The following TSTD2 variants were observed in gnomAD, a reference collection of about 807,000 sequenced individuals.
TSTD2 encodes the protein thiosulfate sulfurtransferase like domain containing 2, also known as thiosulfate sulfurtransferase/rhodanese-like domain-containing protein 2.
A neutral mutation model predicts 47.9 loss-of-function variants in TSTD2; 37 were observed. That is an observed-to-expected ratio of 0.77 (90% CI 0.59 to 1.02). TSTD2 has a LOEUF of 1.02. Ranked by LOEUF, TSTD2 falls within the 50% of genes least tolerant of loss-of-function variation. The pLI, the probability that TSTD2 is intolerant of heterozygous loss-of-function variation, is 0.00. For missense variants in TSTD2, 586 were observed against 616.0 expected (o/e 0.95, Z 0.52); for synonymous variants, 201 against 215.9 (o/e 0.93, Z 0.61).
In TSTD2 at chr9:97,610,414, C is replaced by G; in HGVS notation, c.767G>C (p.Arg256Pro). The change falls in exon 6 of 10, where the codon CGT becomes CCT. Residue 256 changes from arginine (R) to proline (P), a missense_variant. By Grantham distance (103) the Arg-to-Pro change is moderately radical. Transcript: ENST00000341170. ...CACGATTTCTTCAAATACACCAACA[C>G]GCAATTCTGGAAAACAGTGAGCTCC... ...KGGAHCFPEL[R>P]VGVFEEIVPM... The G allele has an allele frequency of 1.3e-6, 2 of 1,590,174 alleles. No homozygotes were observed. Among genetic ancestry groups the G allele is most frequent in the Non-Finnish European group, 1.7e-6 (2 of 1,170,062 alleles).
rs768876335 is a variant in TSTD2 at position 97,605,657 on chromosome 9, A to G, written c.955-16T>C. 6.2e-7 allele frequency: 1 copy of G among 1,614,030 alleles called. No homozygotes were observed. Among genetic ancestry groups the G allele is most frequent in the Admixed American group, 1.7e-5 (1 of 59,988 alleles). ...GGAATCGTCCCTGTAACATAGGAGCAACAAAAGGAAAATTATCAGAAAAAC... is the reference window on the plus strand; with the variant it reads ...GGAATCGTCCCTGTAACATAGGAGCGACAAAAGGAAAATTATCAGAAAAAC... On this transcript the variant is annotated splice_polypyrimidine_tract_variant and intron_variant, in intron 7 of 9. Transcript: ENST00000341170.
intron 1 of TSTD2, among the ~76,000 whole-genome samples, chr9:97,630,429 T>C (rs943935872): frequency 6.6e-6 from 1 of 152,230 alleles, no homozygotes; most frequent in Non-Finnish European, 1.5e-5. Flanking sequence ...ACAGTTGAAG[T>C]ACCTGCTCTC....
intron 1 of TSTD2, among the ~76,000 whole-genome samples, chr9:97,631,774 G>A (rs1826819867): frequency 6.6e-6 from 1 of 152,080 alleles, no homozygotes; most frequent in African/African-American, 2.4e-5. Context: ...AACCTAAAAG[G>A]CAGAGGTTAC....
Position 97,602,332 on chromosome 9 carries a change from T to A in TSTD2, c.*137A>T. The stretch of plus-strand genomic sequence containing the variant: ...ACTCCTCCCCTCCCGCTGTGAAGTG[T>A]AGACGGCTGCCACGGTGGCAGCGGC... On this transcript the variant is annotated 3_prime_UTR_variant, in exon 10 of 10. Transcript: ENST00000341170. 9.7e-7 allele frequency: 1 copy of A among 1,035,340 alleles called. No homozygotes were observed. The highest frequency in any genetic ancestry group is 1.4e-6 in the Non-Finnish European group (1 of 732,356). 64.1% of individuals were successfully genotyped at this position (1,035,340 alleles called of 1,614,324 possible). A position where few individuals can be genotyped will look rare whatever the true frequency, so the allele number is the denominator to read the frequency against.
At chr9:97,606,317 A>G (rs987095178) in intron 6 of TSTD2, 56 bp from the exon 7 acceptor site, 12 of 1,031,352 alleles carry the variant, frequency 1.2e-5, no homozygotes, top group Non-Finnish European at 1.7e-5. Flanking sequence ...CCAAAACCCA[A>G]TCATGACTCA....
intron 6 of TSTD2, 159 bp downstream of exon 6, chr9:97,610,187 G>A: frequency 1.9e-6 from 1 of 521,640 alleles, no homozygotes; most frequent in East Asian, 3.4e-5. Flanking sequence ...GCACCACAGA[G>A]AAACAGTATA....
rs369648166 is a variant in TSTD2, at chr9:97,623,923, T to C, written c.482+1758A>G. ...TGGGTATATGCTGCTGCACAGGCTA[T>C]GGTCTTTGGCTATATATAGTATGCA... On this transcript the variant is annotated intron_variant, in intron 3 of 9. Transcript: ENST00000341170. Among the ~76,000 whole-genome samples, 301 of 152,208 alleles carry C rather than the reference T, an allele frequency of 2.0e-3. 3 individuals carry two copies. The highest frequency in any genetic ancestry group is 6.3e-3 in the African/African-American group (261 of 41,540).
At chr9:97,610,995 G>A (rs1826448070) in intron 5 of TSTD2, 2 of 152,522 alleles carry the variant, frequency 1.3e-5, no homozygotes, top group South Asian at 2.1e-4. Context: ...CAGATTGCAT[G>A]AGCTGTAACA....
At chr9:97,626,082 T>C in intron 2 of TSTD2, 85 bp from the exon 3 acceptor site, 1 of 1,327,216 alleles carries the variant, frequency 7.5e-7, no homozygotes, top group South Asian at 1.5e-5. Context: ...CTTTAGATTA[T>C]CTTTCCACAG....
intron 9 of TSTD2, chr9:97,603,166 A>C (rs1313025988): frequency 5.3e-6 from 1 of 189,598 alleles, no homozygotes. Context: ...AACACACCTA[A>C]ATACAGGCGA....
At chr9:97,626,680 T>C (rs1826727368) in intron 2 of TSTD2, among the ~76,000 whole-genome samples, 1 of 152,214 alleles carries the variant, frequency 6.6e-6, no homozygotes, top group Non-Finnish European at 1.5e-5. Context: ...GAGCATTCCA[T>C]GCATCTATCT....
At position 97,602,639 on chromosome 9, in the gene TSTD2, C is replaced by G; in HGVS notation, c.1381G>C (p.Asp461His). ...GFTACCVTCQ[D>H]KGSRKVSGPM... Reference sequence around the variant, plus strand: ...CCTGAAACTTTCCTGCTCCCCTTGTCTTGACATGTGACACAACAGGCTGTG... The same window carrying G: ...CCTGAAACTTTCCTGCTCCCCTTGTGTTGACATGTGACACAACAGGCTGTG... The change falls in exon 10 of 10, where the codon GAC (aspartate) becomes CAC (histidine). Residue 461 changes from aspartate to histidine, a missense_variant. Transcript: ENST00000341170. 1 of 1,614,202 alleles carries G rather than the reference C, an allele frequency of 6.2e-7. No individual in the cohort carries two copies. Among genetic ancestry groups the G allele is most frequent in the Non-Finnish European group, 8.5e-7 (1 of 1,180,038 alleles).
At chr9:97,630,977 C>T (rs1826798782) in intron 1 of TSTD2, among the ~76,000 whole-genome samples, 1 of 152,202 alleles carries the variant, frequency 6.6e-6, no homozygotes, top group Admixed American at 6.5e-5. Context: ...GCTTCAAATA[C>T]AACTGTTCAA....
chr9:97,611,721 A>G (rs374189650), intron 4 of TSTD2, 22 bp from the exon 5 acceptor site: 166 of 1,592,134 alleles, frequency 1.0e-4, no homozygotes, highest in Non-Finnish European at 1.3e-4. Context: ...GACGGTGAAA[A>G]AGAGAACAGA....
At chr9:97,622,249 A>G (rs552375545) in intron 3 of TSTD2, among the ~76,000 whole-genome samples, 263 of 152,328 alleles carry the variant, frequency 1.7e-3, no homozygotes, top group Non-Finnish European at 1.4e-3. Context: ...AAAGGGGCCA[A>G]TGTAGAATTC....
chr9:97,619,515 T>G (rs538523549), intron 3 of TSTD2, among the ~76,000 whole-genome samples: 5 of 152,172 alleles, frequency 3.3e-5, no homozygotes, highest in African/African-American at 1.2e-4. Context: ...TTTTTTTCTT[T>G]TTTTTTTGTA....
At chr9:97,610,766 C>T (rs1587977699) in intron 5 of TSTD2, 1 of 181,062 alleles carries the variant, frequency 5.5e-6, no homozygotes, top group East Asian at 1.4e-4. Context: ...TCATTGCCAG[C>T]ATGAACGCTA....
chr9:97,607,483 G>A (rs1207629940), intron 6 of TSTD2, among the ~76,000 whole-genome samples: 1 of 152,322 alleles, frequency 6.6e-6, no homozygotes, highest in East Asian at 1.9e-4. Flanking sequence ...GCCAGGCCAA[G>A]GAATCTGGAT....
chr9:97,629,200 A>G (rs1223681141), intron 1 of TSTD2, among the ~76,000 whole-genome samples: 1 of 152,200 alleles, frequency 6.6e-6, no homozygotes, highest in Non-Finnish European at 1.5e-5. Context: ...AAACTTTGCC[A>G]ATTCACAACT....
Sources: allele counts gnomAD v4.1 joint callset (sites outside exome capture counted in the v4.1 genomes callset), GRCh38; gene constraint gnomAD v4.1.1; transcripts MANE v1.5; gene names NCBI Gene and HGNC (gene_info 2026-07-23, HGNC 2026-07-21).